Variants in MEGF10 observed in about 807,000 individuals in gnomAD.
The protein encoded by MEGF10 is multiple epidermal growth factor-like domains protein 10.
Under a neutral mutation model 147.5 loss-of-function variants are expected in MEGF10, and 86 were observed. That is an observed-to-expected ratio of 0.58 (90% confidence interval 0.49 to 0.70). MEGF10 has a LOEUF of 0.70. MEGF10 is among the 30% of genes least tolerant of loss of function. The probability of loss-of-function intolerance (pLI) is 0.00; values close to 1 mark genes in which losing one functional copy is unlikely to be tolerated. For missense variants in MEGF10, 1,329 were observed against 1,487.3 expected, an observed-to-expected ratio of 0.89 and a Z score of 1.75; for synonymous variants, 478 against 525.5, an observed-to-expected ratio of 0.91 and a Z score of 1.24.
chr5:127,261,711 C>T, the MEGF10 span, among the ~76,000 whole-genome samples: 59 of 152,188 alleles, frequency 3.9e-4, no homozygotes, highest in African/African-American at 1.4e-3. Flanking sequence ...TTTTACATTC[C>T]CACCAGCAAT....
intron 15 of MEGF10, among the ~76,000 whole-genome samples, chr5:127,435,105 C>G (rs1026209345): frequency 6.6e-6 from 1 of 152,126 alleles, no homozygotes; most frequent in African/African-American, 2.4e-5. Flanking sequence ...ATTTTAGACT[C>G]CCAGAGCAAG....
At chr5:127,321,442 C>T (rs1018181140) in intron 1 of MEGF10, among the ~76,000 whole-genome samples, 2 of 151,432 alleles carry the variant, frequency 1.3e-5, no homozygotes, top group Non-Finnish European at 3.0e-5. Context: ...TGTGTGTGTG[C>T]GTGTTCATGC....
At chr5:127,344,721 A>G (rs1317721794) in intron 4 of MEGF10, among the ~76,000 whole-genome samples, 1 of 152,224 alleles carries the variant, frequency 6.6e-6, no homozygotes, top group East Asian at 1.9e-4. Context: ...TAAGGTGACT[A>G]AAATTAGTAA....
At chr5:127,346,002 C>A (rs1328855038) in intron 4 of MEGF10, among the ~76,000 whole-genome samples, 1 of 152,138 alleles carries the variant, frequency 6.6e-6, no homozygotes, top group East Asian at 1.9e-4. Context: ...CCAATTCCAT[C>A]CAGGTGCTGC....
At chr5:127,418,866 A>G (rs1025068797) in intron 10 of MEGF10, among the ~76,000 whole-genome samples, 1 of 152,198 alleles carries the variant, frequency 6.6e-6, no homozygotes, top group Non-Finnish European at 1.5e-5. Flanking sequence ...TCTGCTATGA[A>G]GGCAAAGCTA....
rs756799749 is a variant in MEGF10 at position 127,396,639 on chromosome 5, C to A, written c.520C>A (p.Arg174=). The change falls in exon 6 of 25, where the codon CGG becomes AGG. Residue 174 remains arginine, a synonymous_variant. Coordinates refer to ENST00000503335, the MANE Select transcript of MEGF10 (RefSeq NM_001256545.2). ...GGCTTGCCACTGTGCTGCGGGCTTCCGGGGCTGGCGCTGCGAGGACCGCTG... is the reference window on the plus strand; with the variant it reads ...GGCTTGCCACTGTGCTGCGGGCTTCAGGGGCTGGCGCTGCGAGGACCGCTG... ...TGACHCAAGF[R]GWRCEDRCEQ... 9 of 1,614,028 alleles carry A rather than the reference C, an allele frequency of 5.6e-6. No homozygotes were observed. In the East Asian group the frequency reaches 2.0e-4, roughly 36 times the overall value.
At position 127,438,451 on chromosome 5, in the gene MEGF10, C is replaced by T; in HGVS notation, c.2117C>T (p.Ala706Val). 1 of 1,614,020 alleles carries T rather than the reference C, an allele frequency of 6.2e-7. No homozygotes were observed. The highest frequency in any genetic ancestry group is 8.5e-7 in the Non-Finnish European group (1 of 1,179,934). ...CCTGTAATTTCAGCATGTCCACCTG[C>T]CCACTGGGGCCCAAACTGCATCCAC... ...GSDCSQPCPP[A>V]HWGPNCIHTC... Residue 706 changes from alanine (A) to valine (V), a missense_variant, in exon 17 of 25, where the codon GCC becomes GTC. Coordinates refer to ENST00000503335, the MANE Select transcript of MEGF10 (RefSeq NM_001256545.2).
chr5:127,290,604 G>A (rs1759201144), upstream of MEGF10, among the ~76,000 whole-genome samples: 1 of 152,152 alleles, frequency 6.6e-6, no homozygotes, highest in South Asian at 2.1e-4. Flanking sequence ...CTCAGGCAGG[G>A]GCGACTCACG....
chr5:127,398,869 G>A (rs529534231), intron 7 of MEGF10, 73 bp downstream of exon 7: 2 of 1,589,510 alleles, frequency 1.3e-6, no homozygotes, highest in African/African-American at 1.3e-5. Context: ...GCATACACAT[G>A]CAGGAGACTT....
chr5:127,258,895 T>A, the MEGF10 span, among the ~76,000 whole-genome samples: 1 of 152,172 alleles, frequency 6.6e-6, no homozygotes, highest in Non-Finnish European at 1.5e-5. Flanking sequence ...ACCCAGTCTA[T>A]GGTATTCTCT....
chr5:127,387,266 T>G (rs1763467803), intron 5 of MEGF10, among the ~76,000 whole-genome samples: 1 of 152,230 alleles, frequency 6.6e-6, no homozygotes, highest in South Asian at 2.1e-4. Flanking sequence ...CGTGCCCCCT[T>G]TCTTGTCCTT....
the MEGF10 span, among the ~76,000 whole-genome samples, chr5:127,262,698 C>T: frequency 6.6e-6 from 1 of 152,154 alleles, no homozygotes; most frequent in Non-Finnish European, 1.5e-5. Flanking sequence ...CATCTCTGTT[C>T]TTCCTTCTCC....
chr5:127,418,265 C>T (rs1372550764), intron 10 of MEGF10, among the ~76,000 whole-genome samples: 6 of 152,114 alleles, frequency 3.9e-5, no homozygotes, highest in Non-Finnish European at 1.5e-5. Flanking sequence ...AAAATCCAGA[C>T]CCTATAAATA....
chr5:127,382,033 TGA>T (rs919923835), intron 5 of MEGF10, among the ~76,000 whole-genome samples: 1 of 152,220 alleles, frequency 6.6e-6, no homozygotes, highest in African/African-American at 2.4e-5. Context: ...TTATTTTTTG[TGA>T]GTGTGTTAAA....
rs151266058 is a variant in MEGF10, at chr5:127,420,150, C to T, written c.1533C>T (p.Asp511=). ...CLNGGACNTL[D]GTCTCAPGWR... ...ACGGGGGAGCCTGCAACACCCTGGACGGGACCTGCACGTGTGCACCTGGAT... is the reference window on the plus strand; with the variant it reads ...ACGGGGGAGCCTGCAACACCCTGGATGGGACCTGCACGTGTGCACCTGGAT... The change falls in exon 12 of 25, where the codon GAC becomes GAT. Residue 511 remains aspartate (D), a synonymous_variant. Coordinates refer to ENST00000503335, the MANE Select transcript of MEGF10 (RefSeq NM_001256545.2). 9.7e-5 allele frequency: 156 copies of T among 1,614,172 alleles called. No homozygotes were observed. In the African/African-American group the frequency reaches 1.2e-3, roughly 13 times the overall value.
At chr5:127,417,947 ATGAGGGG>A in intron 10 of MEGF10, 135 bp downstream of exon 10, 2 of 909,464 alleles carry the variant, frequency 2.2e-6, no homozygotes, top group Non-Finnish European at 1.6e-6. Context: ...GAGAGAGAAA[ATGAGGGG>A]AAAAATGCTA....
chr5:127,323,960 A>G (rs898682564), intron 1 of MEGF10, among the ~76,000 whole-genome samples: 1 of 152,318 alleles, frequency 6.6e-6, no homozygotes, highest in South Asian at 2.1e-4. Flanking sequence ...AATGGTGTTC[A>G]AAGAAGTGAG....
chr5:127,325,093 A>G (rs1561571656), intron 1 of MEGF10, among the ~76,000 whole-genome samples: 1 of 152,096 alleles, frequency 6.6e-6, no homozygotes, highest in Non-Finnish European at 1.5e-5. Context: ...GGACTCAGTG[A>G]GGTTTCATTG....
chr5:127,430,771 CT>C (rs966169817), intron 13 of MEGF10, among the ~76,000 whole-genome samples: 10 of 152,270 alleles, frequency 6.6e-5, no homozygotes, highest in African/African-American at 2.4e-4. Flanking sequence ...GAATTGCCCC[CT>C]AACTGAGACA....
Sources: gnomAD v4.1 joint callset for allele counts (sites outside exome capture counted in the v4.1 genomes callset) on GRCh38, gnomAD v4.1.1 for gene constraint, MANE v1.5 for transcripts, NCBI Gene and HGNC (gene_info 2026-07-23, HGNC 2026-07-21) for gene names.